Variants in MAP4K1 observed in about 807,000 individuals in gnomAD.
MAP4K1 encodes the protein mitogen-activated protein kinase kinase kinase kinase 1, also known as MAPK/ERK kinase kinase kinase 1.
Under a neutral mutation model 122.8 loss-of-function variants are expected in MAP4K1, and 35 were observed. The ratio of observed to expected loss-of-function variants is 0.29; its 90% CI spans 0.22 to 0.38. The LOEUF (loss-of-function observed/expected upper bound fraction) is 0.38, where lower values mean the gene tolerates loss of function less well. Ranked by LOEUF, MAP4K1 falls within the 10% of genes least tolerant of loss-of-function variation. The pLI is 1.00. For missense variants in MAP4K1, 791 were observed against 1,072.6 expected (o/e 0.74, Z 3.67); for synonymous variants, 412 against 421.3 (o/e 0.98, Z 0.27).
rs1410637238 is a variant in MAP4K1 at position 38,603,222 on chromosome 19, A to G, written c.1447-1697T>C. Among the ~76,000 whole-genome samples, 3 of 147,328 alleles carry G rather than the reference A, an allele frequency of 2.0e-5. No individual in the cohort carries two copies. In the East Asian group the frequency reaches 6.4e-4, roughly 31 times the overall value. Reference sequence around the variant, plus strand: ...TATATACACATACATATATACACATATACATATACACATATATATACACAT... The same window carrying G: ...TATATACACATACATATATACACATGTACATATACACATATATATACACAT... On this transcript the variant is annotated intron_variant, in intron 19 of 30. Transcript: ENST00000396857.
chr19:38,590,357 C>T (rs1247478540), intron 30 of MAP4K1, among the ~76,000 whole-genome samples: 1 of 98,540 alleles, frequency 1.0e-5, no homozygotes, highest in Non-Finnish European at 1.9e-5. Flanking sequence ...TAAGTGCCAC[C>T]TATGATCTTG....
chr19:38,601,560 CG>C, intron 19 of MAP4K1, 35 bp from the exon 20 acceptor site: 1 of 1,526,924 alleles, frequency 6.5e-7, no homozygotes, highest in Non-Finnish European at 8.9e-7. Context: ...GCAGCAGATC[CG>C]GCAAAGAGAG....
rs1299030066 is a variant in MAP4K1, at chr19:38,605,612, C to T, written c.1319G>A (p.Gly440Glu). The part of the protein sequence containing the change: ...SGPPPNSPRP[G>E]PPPSTSSPHL... ...GGGGCTGCTGGTGGATGGGGGAGGC[C>T]CAGGACGGGGGCTGTTTGGTGGGGG... is the stretch of plus-strand genomic sequence containing the variant. Residue 440 changes from glycine to glutamate, a missense_variant, in exon 18 of 31, where the codon GGG becomes GAG. Gly to Glu is a moderately conservative substitution (Grantham distance 98, BLOSUM62 -2). Around this residue, in one of 4 missense-constraint regions of MAP4K1, gnomAD observed 303 missense variants for 344.8 expected, o/e 0.88. Transcript: ENST00000396857. 6.4e-7 allele frequency: 1 copy of T among 1,569,158 alleles called. No homozygotes were observed. Among genetic ancestry groups the T allele is most frequent in the Non-Finnish European group, 8.6e-7 (1 of 1,158,884 alleles).
chr19:38,591,625 A>G (rs1393719274), intron 30 of MAP4K1, among the ~76,000 whole-genome samples: 3 of 152,114 alleles, frequency 2.0e-5, no homozygotes, highest in Admixed American at 1.3e-4. Flanking sequence ...AATAGTTAAA[A>G]TAGTTATTTT....
intron 27 of MAP4K1, 73 bp from the exon 28 acceptor site, chr19:38,595,802 TC>T: frequency 6.7e-7 from 1 of 1,493,302 alleles, no homozygotes; most frequent in East Asian, 2.3e-5. Context: ...ATCCATAAAT[TC>T]AGTGTGAAAG....
intron 30 of MAP4K1, among the ~76,000 whole-genome samples, 171 bp downstream of exon 30, chr19:38,593,111 G>T (rs182434856): frequency 2.0e-5 from 3 of 151,994 alleles, no homozygotes; most frequent in Non-Finnish European, 4.4e-5. Context: ...AAGAGAGAAC[G>T]CCCCCGTGGC....
At position 38,597,088 on chromosome 19, in the gene MAP4K1, C is replaced by T; in HGVS notation, c.1887G>A (p.Thr629=). Residue 629 remains threonine (T), a synonymous_variant, in exon 25 of 31, where the codon ACG becomes ACA. Transcript: ENST00000396857. The surrounding 1 kb of genome is among the most constrained non-coding windows in gnomAD (Gnocchi z 4.6). ...GGPFLCGALE[T]SVVLLQWYQP... ...GGTACCACTGAAGCAGGACAACGGA[C>T]GTCTCCAATGCACCGCACAGGAACG... The T allele has an allele frequency of 6.2e-7, 1 of 1,614,158 alleles. No homozygotes were observed. Among genetic ancestry groups the T allele is most frequent in the Non-Finnish European group, 8.5e-7 (1 of 1,180,008 alleles).
At chr19:38,616,034 G>T in intron 4 of MAP4K1, 161 bp downstream of exon 4, 1 of 461,624 alleles carries the variant, frequency 2.2e-6, no homozygotes, top group Non-Finnish European at 3.8e-6. Context: ...CACTTCGACA[G>T]CTGAAGGCAA....
intron 3 of MAP4K1, among the ~76,000 whole-genome samples, chr19:38,616,473 G>A (rs1048026648): frequency 2.0e-5 from 3 of 152,160 alleles, no homozygotes; most frequent in East Asian, 3.9e-4. Flanking sequence ...TGTGAGTTCC[G>A]GGGCAAGTCA....
In MAP4K1 at chr19:38,617,168, C is replaced by G. The variant is rs1416221869; in HGVS notation, c.248+186G>C. Reference sequence around the variant, plus strand: ...GTCTGAGGCAGAGAATTGCTTGAACCCAGGAGGCAGAGGTTGCAGTGAGCT... The same window carrying G: ...GTCTGAGGCAGAGAATTGCTTGAACGCAGGAGGCAGAGGTTGCAGTGAGCT... On this transcript the variant is annotated intron_variant, in intron 3 of 30. Transcript: ENST00000396857. The surrounding 1 kb of genome is among the most constrained non-coding windows in gnomAD (Gnocchi z 4.1). 6.6e-6 allele frequency among the ~76,000 whole-genome samples: 1 copy of G among 151,888 alleles called. No individual in the cohort carries two copies. Among genetic ancestry groups the G allele is most frequent in the African/African-American group, 2.4e-5 (1 of 41,326 alleles).
intron 30 of MAP4K1, 42 bp downstream of exon 30, chr19:38,593,240 A>T (rs754869804): frequency 1.9e-6 from 3 of 1,585,678 alleles, no homozygotes; most frequent in South Asian, 1.1e-5. Flanking sequence ...TCACATCAGA[A>T]GCCCCCTCCC....
Position 38,596,320 on chromosome 19 carries a change from A to G in MAP4K1, c.2108T>C (p.Met703Thr). Residue 703 changes from methionine to threonine, a missense_variant, in exon 26 of 31, where the codon ATG becomes ACG. By Grantham distance (81) the Met-to-Thr change is moderately conservative. This residue lies in a region of MAP4K1 where 267 missense variants were observed against 323.0 expected (regional missense o/e 0.83). Coordinates refer to ENST00000396857, the MANE Select transcript of MAP4K1 (RefSeq NM_001042600.3). ...GACTCCGCCCCACTCACCGGTGCTC[A>G]TCTCGCCCAGCCAGCAAGAGAGCGC... ...FGALSCWLGE[M>T]STEHRGPVQV... is the part of the protein sequence containing the mutation. The G allele has an allele frequency of 6.3e-7, 1 of 1,582,170 alleles. No homozygotes were observed. The highest frequency in any genetic ancestry group is 8.6e-7 in the Non-Finnish European group (1 of 1,163,170).
rs147198691 is a variant in MAP4K1, at chr19:38,588,431, T to C, written c.2397-614A>G. Reference sequence around the variant, plus strand: ...CAAGGCCGGGCATGGTGGCTCATGCTTGTAATCCCAGCACTTTGGGAGGCC... The same window carrying C: ...CAAGGCCGGGCATGGTGGCTCATGCCTGTAATCCCAGCACTTTGGGAGGCC... On this transcript the variant is annotated intron_variant, in intron 30 of 30. Coordinates refer to ENST00000396857, the MANE Select transcript of MAP4K1 (RefSeq NM_001042600.3). 4.2e-3 allele frequency among the ~76,000 whole-genome samples: 640 copies of C among 152,006 alleles called. 16 individuals carry two copies. Among genetic ancestry groups the C allele is most frequent in the Admixed American group, 0.032 (491 of 15,248 alleles).
chr19:38,609,057 C>T (rs1028134100), intron 13 of MAP4K1, among the ~76,000 whole-genome samples: 1 of 151,988 alleles, frequency 6.6e-6, no homozygotes, highest in African/African-American at 2.4e-5. Flanking sequence ...TTTTCAGGAT[C>T]CGTTTGGGTA....
intron 9 of MAP4K1, among the ~76,000 whole-genome samples, chr19:38,612,112 T>TAAATAA (rs941557287): frequency 1.4e-5 from 2 of 142,992 alleles, no homozygotes; most frequent in African/African-American, 5.2e-5. Context: ...AATAAATAAA[T>TAAATAA]AAATAAAAAT....
intron 19 of MAP4K1, among the ~76,000 whole-genome samples, chr19:38,604,170 A>C (rs567611820): frequency 5.2e-4 from 79 of 150,710 alleles, no homozygotes; most frequent in Non-Finnish European, 1.0e-3. Context: ...AGAGAGTTCT[A>C]ATTCATTTTA....
rs113621046 is a variant in MAP4K1, at chr19:38,610,262, G to C, written c.811-237C>G. On this transcript the variant is annotated intron_variant, in intron 11 of 30. Transcript: ENST00000396857. ...ACTCTGTCACCCAGGCTGGAGTGCA[G>C]TGGCACAATCCAGGCTCACTGCAAC... Among the ~76,000 whole-genome samples, 750 of 152,064 alleles carry C rather than the reference G, an allele frequency of 4.9e-3. 1 individual carries two copies. The highest frequency in any genetic ancestry group is 0.017 in the African/African-American group (725 of 41,496).
intron 19 of MAP4K1, 72 bp downstream of exon 19, chr19:38,605,337 C>CCCCCA: frequency 9.1e-7 from 1 of 1,098,030 alleles, no homozygotes; most frequent in Non-Finnish European, 1.3e-6. Context: ...AGTCCTGCCA[C>CCCCCA]CCCCTCCCCA....
chr19:38,590,423 AT>A lies in MAP4K1; in HGVS notation c.2397-2607del, dbSNP rs1568619015. On this transcript the variant is annotated intron_variant, in intron 30 of 30. Transcript: ENST00000396857. ...TATATATATATATATATATATATAT[AT>A]ATATATATATATAATCACGGGCGTC... Among the ~76,000 whole-genome samples the A allele has an allele frequency of 1.1e-3, 133 of 116,646 alleles. 7 individuals are homozygous for A. The highest frequency in any genetic ancestry group is 4.4e-3 in the African/African-American group (131 of 29,892). The allele number at this position is 116,646 out of a possible 152,430, so 76.5% of individuals were successfully genotyped here. A position where few individuals can be genotyped will look rare whatever the true frequency, so the allele number is the denominator to read the frequency against.
Sources: gnomAD v4.1 joint callset for allele counts (sites outside exome capture counted in the v4.1 genomes callset) on GRCh38, gnomAD v4.1.1 for gene constraint, gnomAD v4.1.1 regional missense constraint, Gnocchi (gnomAD v3.1) non-coding constraint, MANE v1.5 for transcripts, NCBI Gene and HGNC (gene_info 2026-07-23, HGNC 2026-07-21) for gene names.